The following OR2A12 variants were observed in gnomAD, a reference collection of about 807,000 sequenced individuals.
The protein encoded by OR2A12 is olfactory receptor 2A12.
For synonymous variants in OR2A12, 153 were observed against 149.3 expected (o/e 1.02, Z -0.18); for missense variants, 380 against 372.5 (o/e 1.02, Z -0.17).
intron 1 of OR2A12, among the ~76,000 whole-genome samples, chr7:144,092,685 C>A (rs1422643458): frequency 4.0e-5 from 6 of 151,760 alleles, no homozygotes. Flanking sequence ...TATGTTGATT[C>A]TGTAGGTTTT....
intron 1 of OR2A12, among the ~76,000 whole-genome samples, chr7:144,093,206 G>C (rs917333073): frequency 6.6e-6 from 1 of 152,032 alleles, no homozygotes; most frequent in East Asian, 1.9e-4. Context: ...AAGACAAATT[G>C]TTTTCAATTC....
chr7:144,094,260 G>A (rs933689662), intron 1 of OR2A12, among the ~76,000 whole-genome samples: 10 of 151,930 alleles, frequency 6.6e-5, no homozygotes, highest in African/African-American at 2.2e-4. Flanking sequence ...TAAAAATCAG[G>A]TCTTATAACA....
intron 1 of OR2A12, among the ~76,000 whole-genome samples, chr7:144,092,626 G>T (rs543307846): frequency 1.6e-4 from 25 of 151,932 alleles, no homozygotes; most frequent in African/African-American, 5.6e-4. Flanking sequence ...TTCCCGATTT[G>T]GCTCTTGGCT....
chr7:144,091,528 T>C (rs1322408163), intron 1 of OR2A12, among the ~76,000 whole-genome samples: 1 of 152,252 alleles, frequency 6.6e-6, no homozygotes, highest in African/African-American at 2.4e-5. Flanking sequence ...GCATCTGTTA[T>C]GTTTTGACTT....
rs564127338 is a variant in OR2A12 at position 144,089,871 on chromosome 7, T to G, written c.-52+3328T>G. Among the ~76,000 whole-genome samples the G allele has an allele frequency of 3.1e-3, 467 of 152,284 alleles. 1 individual carries two copies. The highest frequency in any genetic ancestry group is 0.011 in the African/African-American group (442 of 41,576). On this transcript the variant is annotated intron_variant, in intron 1 of 1. Coordinates refer to ENST00000641592, the MANE Select transcript of OR2A12 (RefSeq NM_001004135.2). ...TTTTATAGCCCATTGTTTATAAAAT[T>G]TACTGAGATATTCTATTTGAAATTA...
In OR2A12 at chr7:144,095,981, A is replaced by G; in HGVS notation, c.874A>G (p.Arg292Gly). 6.2e-7 allele frequency: 1 copy of G among 1,613,446 alleles called. No homozygotes were observed. Among genetic ancestry groups the G allele is most frequent in the South Asian group, 1.1e-5 (1 of 90,966 alleles). The change falls in exon 2 of 2, where the codon AGG (arginine) becomes GGG (glycine). Residue 292 changes from arginine (R) to glycine (G), a missense_variant. Coordinates refer to ENST00000641592, the MANE Select transcript of OR2A12 (RefSeq NM_001004135.2). ...PILNPLIYSL[R>G]NAEVKGALKR... ...CCTGAACCCCCTCATCTACAGCCTTAGGAATGCAGAGGTGAAAGGGGCTCT... is the reference window on the plus strand; with the variant it reads ...CCTGAACCCCCTCATCTACAGCCTTGGGAATGCAGAGGTGAAAGGGGCTCT...
chr7:144,092,157 G>T (rs1208938433), intron 1 of OR2A12, among the ~76,000 whole-genome samples: 1 of 152,102 alleles, frequency 6.6e-6, no homozygotes, highest in Non-Finnish European at 1.5e-5. Context: ...AGATCAGATG[G>T]TTGTAGGTGT....
rs189940382 is a variant in OR2A12, at chr7:144,098,831, A to C, written c.*2791A>C. On this transcript the variant is annotated 3_prime_UTR_variant, in exon 2 of 2. Coordinates refer to ENST00000641592, the MANE Select transcript of OR2A12 (RefSeq NM_001004135.2). ...CATTGATTCAAGACAAAAGATAAACATATCTCCCTTCTACCACCAGGAAGG... is the reference window on the plus strand; with the variant it reads ...CATTGATTCAAGACAAAAGATAAACCTATCTCCCTTCTACCACCAGGAAGG... 6.6e-6 allele frequency: 1 copy of C among 152,202 alleles called. No homozygotes were observed. Among genetic ancestry groups the C allele is most frequent in the Admixed American group, 6.5e-5 (1 of 15,292 alleles). 9.4% of individuals were successfully genotyped at this position (152,202 alleles called of 1,614,324 possible).
rs1026119117 is a variant in OR2A12 at position 144,096,561 on chromosome 7, T to C, written c.*521T>C. On this transcript the variant is annotated 3_prime_UTR_variant, in exon 2 of 2. Coordinates refer to ENST00000641592, the MANE Select transcript of OR2A12 (RefSeq NM_001004135.2). The stretch of plus-strand genomic sequence containing the variant: ...AAACTTATGAAACAGAAAATCACAA[T>C]CTAATCCTACTCATGAACATAGATG... 2 of 152,670 alleles carry C rather than the reference T, an allele frequency of 1.3e-5. No homozygotes were observed. Among genetic ancestry groups the C allele is most frequent in the Admixed American group, 1.3e-4 (2 of 15,350 alleles). The allele number at this position is 152,670 out of a possible 1,614,324, so 9.5% of individuals were successfully genotyped here.
At chr7:144,089,702 C>T (rs910484223) in intron 1 of OR2A12, among the ~76,000 whole-genome samples, 4 of 151,956 alleles carry the variant, frequency 2.6e-5, no homozygotes, top group African/African-American at 7.3e-5. Context: ...AAGTTTAATA[C>T]ATTATTTTAA....
Position 144,095,151 on chromosome 7 carries a change from G to A in OR2A12, c.44G>A (p.Gly15Glu), listed in dbSNP as rs1437273108. 1.2e-6 allele frequency: 2 copies of A among 1,613,378 alleles called. No individual in the cohort carries two copies. The highest frequency in any genetic ancestry group is 1.7e-6 in the Non-Finnish European group (2 of 1,179,628). Residue 15 changes from glycine (G) to glutamate (E), a missense_variant, in exon 2 of 2, where the codon GGA becomes GAA. Physicochemically the swap from Gly to Glu is moderately conservative, Grantham distance 98. Transcript: ENST00000641592. Reference protein sequence around the residue: ...QTWITEVILLGFQVDPALELF... With the variant: ...QTWITEVILLEFQVDPALELF... ...TGGATCACAGAAGTCATCCTGTTGG[G>A]ATTCCAGGTGGACCCAGCTCTGGAG...
At position 144,096,007 on chromosome 7, in the gene OR2A12, A is replaced by G; in HGVS notation, c.900A>G (p.Leu300=). 1 of 1,606,326 alleles carries G rather than the reference A, an allele frequency of 6.2e-7. No individual in the cohort carries two copies. The part of the protein sequence containing the change: ...SLRNAEVKGA[L]KRVLWKQRSM The stretch of plus-strand genomic sequence containing the variant: ...GGAATGCAGAGGTGAAAGGGGCTCT[A>G]AAGAGAGTCCTTTGGAAACAGAGAT... Residue 300 remains leucine, a synonymous_variant, in exon 2 of 2, where the codon CTA becomes CTG. Coordinates refer to ENST00000641592, the MANE Select transcript of OR2A12 (RefSeq NM_001004135.2).
intron 1 of OR2A12, among the ~76,000 whole-genome samples, chr7:144,087,908 T>C (rs1427976918): frequency 6.6e-6 from 1 of 152,226 alleles, no homozygotes; most frequent in Non-Finnish European, 1.5e-5. Context: ...GGCCATGTTT[T>C]GGTGTTCTTC....
chr7:144,089,287 T>C (rs181998709), intron 1 of OR2A12, among the ~76,000 whole-genome samples: 2 of 152,174 alleles, frequency 1.3e-5, no homozygotes, highest in Admixed American at 1.3e-4. Flanking sequence ...TATTTTATTT[T>C]TAATCTCGGT....
rs772872975 is a variant in OR2A12 at position 144,095,736 on chromosome 7, T to C, written c.629T>C (p.Leu210Pro). The change falls in exon 2 of 2, where the codon CTC (leucine) becomes CCC (proline). Residue 210 changes from leucine to proline, a missense_variant. Coordinates refer to ENST00000641592, the MANE Select transcript of OR2A12 (RefSeq NM_001004135.2). ...TCTGCGTTCATCTTAGTGGGGCCGC[T>C]CTGCCTGGTGCTGGTCTCCTACTTG... is the stretch of plus-strand genomic sequence containing the variant. Reference protein sequence around the residue: ...AGSAFILVGPLCLVLVSYLHI... With the variant: ...AGSAFILVGPPCLVLVSYLHI... 3.1e-6 allele frequency: 5 copies of C among 1,614,132 alleles called. No individual in the cohort carries two copies. In the Admixed American group the frequency reaches 8.3e-5, roughly 27 times the overall value.
Position 144,095,276 on chromosome 7 carries a change from C to A in OR2A12, c.169C>A (p.Pro57Thr), listed in dbSNP as rs373856193. Reference protein sequence around the residue: ...LIYLDSRLHTPMYVFLSHLAI... With the variant: ...LIYLDSRLHTTMYVFLSHLAI... ...CTACTTGGACTCTAGACTGCACACA[C>A]CCATGTATGTCTTCCTGTCACACCT... Residue 57 changes from proline to threonine, a missense_variant, in exon 2 of 2, where the codon CCC becomes ACC. Transcript: ENST00000641592. 8 of 1,613,906 alleles carry A rather than the reference C, an allele frequency of 5.0e-6. No homozygotes were observed. Among genetic ancestry groups the A allele is most frequent in the African/African-American group, 2.7e-5 (2 of 74,886 alleles).
At chr7:144,092,563 G>T (rs2051233941) in intron 1 of OR2A12, among the ~76,000 whole-genome samples, 1 of 152,042 alleles carries the variant, frequency 6.6e-6, no homozygotes, top group Non-Finnish European at 1.5e-5. Flanking sequence ...TCTCTGGTTA[G>T]CTGTATTCCT....
chr7:144,095,291 C>T lies in OR2A12; in HGVS notation c.184C>T (p.Leu62=), dbSNP rs766810212. The T allele has an allele frequency of 6.2e-7, 1 of 1,614,048 alleles. No individual in the cohort carries two copies. The change falls in exon 2 of 2, where the codon CTG becomes TTG. Residue 62 remains leucine, a synonymous_variant. Coordinates refer to ENST00000641592, the MANE Select transcript of OR2A12 (RefSeq NM_001004135.2). The part of the protein sequence containing the change: ...SRLHTPMYVF[L]SHLAIVDMSY... Reference sequence around the variant, plus strand: ...ACTGCACACACCCATGTATGTCTTCCTGTCACACCTGGCCATTGTGGACAT... The same window carrying T: ...ACTGCACACACCCATGTATGTCTTCTTGTCACACCTGGCCATTGTGGACAT...
rs368735311 is a variant in OR2A12, at chr7:144,095,406, CT to C, written c.305del (p.Leu102CysfsTer11). ...TCCTTTGCTCCTTGCATACTTCAGA[CT>C]TTTTTGTATTTGGCGTTTGCTATTA... Reference protein sequence around the residue: ...VISFAPCILQTFLYLAFAITE... With the variant: ...VISFAPCILQXFLYLAFAITE... On this transcript the variant is annotated frameshift_variant, in exon 2 of 2. Coordinates refer to ENST00000641592, the MANE Select transcript of OR2A12 (RefSeq NM_001004135.2). LOFTEE classifies it low-confidence loss of function (END_TRUNC). 7.1e-4 allele frequency: 1,138 copies of C among 1,614,040 alleles called. 5 individuals are homozygous for C. In the East Asian group the frequency reaches 8.4e-3, roughly 12 times the overall value.
Sources: gnomAD v4.1 joint callset for allele counts (sites outside exome capture counted in the v4.1 genomes callset) on GRCh38, gnomAD v4.1.1 for gene constraint, MANE v1.5 for transcripts, NCBI Gene and HGNC (gene_info 2026-07-23, HGNC 2026-07-21) for gene names.